The following AXDND1 variants were observed in gnomAD, a reference collection of about 807,000 sequenced individuals.
AXDND1 encodes the protein axonemal dynein light chain domain containing 1, also known as axonemal dynein light chain domain-containing protein 1.
AXDND1 carries 110 observed loss-of-function variants against 137.5 expected under a neutral mutation model. That is an observed-to-expected ratio of 0.80 (90% CI 0.69 to 0.94). AXDND1 has a LOEUF of 0.94. AXDND1 is among the 40% of genes least tolerant of loss of function. AXDND1 has a pLI of 0.00. For synonymous variants in AXDND1, 414 were observed against 399.7 expected (o/e 1.04, Z -0.43); for missense variants, 1,191 against 1,169.8 (o/e 1.02, Z -0.26).
intron 20 of AXDND1, among the ~76,000 whole-genome samples, chr1:179,500,113 C>T (rs1667844632): frequency 6.6e-6 from 1 of 152,016 alleles, no homozygotes; most frequent in African/African-American, 2.4e-5. Flanking sequence ...AGACCAGTCT[C>T]ACATGGAATA....
chr1:179,461,109 G>A (rs1275139074), intron 16 of AXDND1, among the ~76,000 whole-genome samples: 8 of 152,154 alleles, frequency 5.3e-5, no homozygotes, highest in Non-Finnish European at 1.2e-4. Context: ...TGGTGTTTTA[G>A]TCATGAAGTT....
chr1:179,366,452 A>C lies in AXDND1; in HGVS notation c.-58A>C. ...CCAGTGCGGCGCTGATTTGTGTCTAAATTAGCTTTCCGGAGGACTATTTCA... is the reference window on the plus strand; with the variant it reads ...CCAGTGCGGCGCTGATTTGTGTCTACATTAGCTTTCCGGAGGACTATTTCA... On this transcript the variant is annotated 5_prime_UTR_variant, in exon 2 of 26. It removes the in-frame stop codon of an upstream open reading frame in the 5' UTR. Coordinates refer to ENST00000367618, the MANE Select transcript of AXDND1 (RefSeq NM_144696.6). The C allele has an allele frequency of 6.9e-7, 1 of 1,439,922 alleles. No individual in the cohort carries two copies. The highest frequency in any genetic ancestry group is 9.8e-7 in the Non-Finnish European group (1 of 1,024,714). The allele number at this position is 1,439,922 out of a possible 1,614,324, so 89.2% of individuals were successfully genotyped here.
intron 18 of AXDND1, among the ~76,000 whole-genome samples, chr1:179,486,360 T>A (rs942081366): frequency 6.6e-6 from 1 of 152,148 alleles, no homozygotes; most frequent in Non-Finnish European, 1.5e-5. Flanking sequence ...CTCATTGGCA[T>A]TCCTGAAAGA....
At chr1:179,484,820 C>T (rs1332630077) in intron 18 of AXDND1, among the ~76,000 whole-genome samples, 1 of 152,204 alleles carries the variant, frequency 6.6e-6, no homozygotes, top group Non-Finnish European at 1.5e-5. Context: ...ACCCCATAAC[C>T]AATGCAAAGG....
intron 25 of AXDND1, among the ~76,000 whole-genome samples, chr1:179,541,841 A>G (rs1298755230): frequency 6.6e-6 from 1 of 152,218 alleles, no homozygotes; most frequent in African/African-American, 2.4e-5. Flanking sequence ...TACGTGTTCA[A>G]TCATGAAAGA....
chr1:179,480,997 A>G (rs1572019770), intron 17 of AXDND1, among the ~76,000 whole-genome samples: 1 of 46,810 alleles, frequency 2.1e-5, no homozygotes, highest in African/African-American at 5.3e-5. Flanking sequence ...TATTTTTTTA[A>G]TTATACTTTA....
intron 20 of AXDND1, among the ~76,000 whole-genome samples, chr1:179,503,617 A>G (rs142167920): frequency 5.3e-5 from 8 of 151,848 alleles, no homozygotes; most frequent in Non-Finnish European, 5.9e-5. Context: ...GGTTTGTTAC[A>G]TATGTACACA....
intron 25 of AXDND1, chr1:179,552,797 G>C (rs2274626): frequency 5.1e-6 from 4 of 786,540 alleles, no homozygotes; most frequent in African/African-American, 5.1e-5. Flanking sequence ...CAAATTTGGA[G>C]TGACCAGAGT....
intron 4 of AXDND1, among the ~76,000 whole-genome samples, chr1:179,375,017 TA>T (rs1014226575): frequency 2.0e-5 from 3 of 151,700 alleles, no homozygotes; most frequent in East Asian, 1.9e-4. Flanking sequence ...TTTTAAAAAT[TA>T]AAAAAATACA....
chr1:179,395,065 A>G (rs1326960232), intron 10 of AXDND1, 33 bp from the exon 11 acceptor site: 1 of 1,567,134 alleles, frequency 6.4e-7, no homozygotes, highest in South Asian at 1.2e-5. Flanking sequence ...AAATCTCCAA[A>G]TATGAATTAA....
At chr1:179,500,532 A>G (rs1254833563) in intron 20 of AXDND1, among the ~76,000 whole-genome samples, 2 of 152,144 alleles carry the variant, frequency 1.3e-5, no homozygotes, top group African/African-American at 4.8e-5. Flanking sequence ...GAAACATTAA[A>G]AGACCTAAGT....
chr1:179,404,905 C>CT (rs901799876), intron 11 of AXDND1, among the ~76,000 whole-genome samples: 67 of 145,932 alleles, frequency 4.6e-4, no homozygotes, highest in Non-Finnish European at 7.1e-4. Flanking sequence ...TGTTGGGAGA[C>CT]TTTTTTTTTT....
intron 21 of AXDND1, among the ~76,000 whole-genome samples, chr1:179,516,771 C>A (rs1281374279): frequency 2.0e-5 from 3 of 152,188 alleles, no homozygotes; most frequent in African/African-American, 7.2e-5. Flanking sequence ...TGGGCTGGTG[C>A]TGGGGGTTAT....
chr1:179,430,787 A>G (rs1657253333), intron 14 of AXDND1, among the ~76,000 whole-genome samples, 181 bp downstream of exon 14: 1 of 152,172 alleles, frequency 6.6e-6, no homozygotes, highest in African/African-American at 2.4e-5. Flanking sequence ...TTCTAGTGCT[A>G]AGTATCTCTC....
chr1:179,474,448 G>T (rs1408823794), intron 17 of AXDND1, among the ~76,000 whole-genome samples: 2 of 152,218 alleles, frequency 1.3e-5, no homozygotes, highest in African/African-American at 4.8e-5. Flanking sequence ...TTGTTGAATG[G>T]TTTTGACCAA....
In AXDND1 at chr1:179,488,616, CTT is replaced by C. The variant is rs1420353695; in HGVS notation, c.2092-2920_2092-2919del. Among the ~76,000 whole-genome samples, 21 of 85,752 alleles carry C rather than the reference CTT, an allele frequency of 2.4e-4. 2 individuals carry two copies. The highest frequency in any genetic ancestry group is 1.3e-3 in the East Asian group (2 of 1,572). 56.3% of individuals were successfully genotyped at this position (85,752 alleles called of 152,430 possible). A position where few individuals can be genotyped will look rare whatever the true frequency, so the allele number is the denominator to read the frequency against. On this transcript the variant is annotated intron_variant, in intron 18 of 25. Coordinates refer to ENST00000367618, the MANE Select transcript of AXDND1 (RefSeq NM_144696.6). ...TTTCTTTCTTTCTTTTTCTTTCTTT[CTT>C]TCTCTCTCTCTCTCTCCTTTCTTTC... is the stretch of plus-strand genomic sequence containing the variant.
At chr1:179,547,717 A>C (rs1208714020) in intron 25 of AXDND1, among the ~76,000 whole-genome samples, 1 of 152,142 alleles carries the variant, frequency 6.6e-6, no homozygotes, top group Non-Finnish European at 1.5e-5. Context: ...AGCTTGAGAA[A>C]CACTTTTGAA....
At chr1:179,509,255 T>G in intron 20 of AXDND1, 41 bp from the exon 21 acceptor site, 25 of 1,322,280 alleles carry the variant, frequency 1.9e-5, no homozygotes, top group Non-Finnish European at 2.5e-5. Context: ...AGTGAATAAA[T>G]GAGCTGGTTT....
intron 25 of AXDND1, among the ~76,000 whole-genome samples, chr1:179,537,351 CTTA>C (rs1223956508): frequency 6.6e-6 from 1 of 152,144 alleles, no homozygotes; most frequent in African/African-American, 2.4e-5. Flanking sequence ...ATAAATAGCT[CTTA>C]TTATCTTGAG....
Sources: gnomAD v4.1 joint callset for allele counts (sites outside exome capture counted in the v4.1 genomes callset) on GRCh38, gnomAD v4.1.1 for gene constraint, MANE v1.5 for transcripts, NCBI Gene and HGNC (gene_info 2026-07-23, HGNC 2026-07-21) for gene names.